SLC15A5: variants seen among roughly 807,000 people sequenced by gnomAD.
The protein encoded by SLC15A5 is Peptide/histidine transporter ENSP00000340402.
A neutral mutation model predicts 56.1 loss-of-function variants in SLC15A5; 58 were observed. That is an observed-to-expected ratio of 1.03 (90% CI 0.84 to 1.29). The LOEUF (loss-of-function observed/expected upper bound fraction) is 1.29. Among genes scored for constraint, SLC15A5 ranks in the 50% most tolerant of loss-of-function variants. The pLI is 0.00. For missense variants in SLC15A5, 681 were observed against 672.1 expected (o/e 1.01, Z -0.15); for synonymous variants, 264 against 250.5 (o/e 1.05, Z -0.51).
At chr12:16,247,186 A>G (rs1658562980) in intron 3 of SLC15A5, among the ~76,000 whole-genome samples, 1 of 152,162 alleles carries the variant, frequency 6.6e-6, no homozygotes, top group South Asian at 2.1e-4. Context: ...CTTCAGTTGA[A>G]TATGTACTTT....
intron 3 of SLC15A5, among the ~76,000 whole-genome samples, chr12:16,249,538 T>G (rs1299445132): frequency 1.3e-5 from 2 of 152,100 alleles, no homozygotes; most frequent in African/African-American, 4.8e-5. Context: ...TAATTGTTCC[T>G]GTAGCTAATA....
At chr12:16,189,862 A>G in intron 8 of SLC15A5, 47 bp from the exon 9 acceptor site, 1 of 1,339,380 alleles carries the variant, frequency 7.5e-7, no homozygotes, top group Non-Finnish European at 9.8e-7. Context: ...GATGTAGATG[A>G]ATTGATAAAT....
At chr12:16,263,991 A>T (rs61916971) in intron 2 of SLC15A5, among the ~76,000 whole-genome samples, 6 of 152,164 alleles carry the variant, frequency 3.9e-5, no homozygotes, top group Non-Finnish European at 8.8e-5. Context: ...ATGTGGGATC[A>T]GAGCACCCAC....
At chr12:16,219,030 T>G (rs1864160303) in intron 6 of SLC15A5, among the ~76,000 whole-genome samples, 1 of 152,156 alleles carries the variant, frequency 6.6e-6, no homozygotes, top group Non-Finnish European at 1.5e-5. Context: ...CCATAAAGAT[T>G]TAAAGGAATC....
chr12:16,239,598 C>T (rs1864390819), intron 5 of SLC15A5, 83 bp downstream of exon 5: 15 of 1,316,500 alleles, frequency 1.1e-5, no homozygotes, highest in Non-Finnish European at 1.5e-5. Context: ...TACTCAGGAG[C>T]ATATAGCTAG....
At chr12:16,224,347 T>C in intron 6 of SLC15A5, 67 bp downstream of exon 6, 1 of 1,414,870 alleles carries the variant, frequency 7.1e-7, no homozygotes, top group Non-Finnish European at 9.4e-7. Flanking sequence ...ATTGTTCTGG[T>C]TGAGGTGATG....
At chr12:16,203,372 C>G (rs1863981737) in intron 7 of SLC15A5, among the ~76,000 whole-genome samples, 1 of 152,008 alleles carries the variant, frequency 6.6e-6, no homozygotes, top group African/African-American at 2.4e-5. Context: ...GCAAAAGAAT[C>G]ATAATTGCCA....
intron 7 of SLC15A5, among the ~76,000 whole-genome samples, chr12:16,199,453 A>G (rs1863929255): frequency 6.6e-6 from 1 of 152,124 alleles, no homozygotes; most frequent in Non-Finnish European, 1.5e-5. Context: ...TAGAGAAAAT[A>G]GTAATAGCTT....
chr12:16,215,202 CAA>C (rs33944569), intron 7 of SLC15A5, among the ~76,000 whole-genome samples: 1 of 12,032 alleles, frequency 8.3e-5, no homozygotes, highest in East Asian at 2.5e-3. Flanking sequence ...GACTCTTTCT[CAA>C]AAAAAAAAAA....
At chr12:16,224,326 A>C in intron 6 of SLC15A5, 88 bp downstream of exon 6, 7 of 1,262,490 alleles carry the variant, frequency 5.5e-6, no homozygotes, top group Non-Finnish European at 7.5e-6. Context: ...AATAGATGAC[A>C]TACCACTTTA....
intron 8 of SLC15A5, among the ~76,000 whole-genome samples, chr12:16,192,304 G>A (rs888645719): frequency 6.6e-6 from 1 of 152,000 alleles, no homozygotes; most frequent in African/African-American, 2.4e-5. Context: ...CCCTAAGAAA[G>A]TATGCAGGAG....
intron 7 of SLC15A5, among the ~76,000 whole-genome samples, chr12:16,195,160 A>T (rs1025323507): frequency 1.3e-5 from 2 of 151,958 alleles, no homozygotes; most frequent in African/African-American, 4.8e-5. Flanking sequence ...TTTGCTTCTA[A>T]GTTTTGACTT....
chr12:16,255,007 CAAAG>C (rs1864555569), intron 3 of SLC15A5, among the ~76,000 whole-genome samples: 1 of 152,048 alleles, frequency 6.6e-6, no homozygotes, highest in African/African-American at 2.4e-5. Flanking sequence ...TTTCCCAACA[CAAAG>C]AAATGATGTT....
chr12:16,249,797 C>T (rs542611745), intron 3 of SLC15A5, among the ~76,000 whole-genome samples: 1 of 152,080 alleles, frequency 6.6e-6, no homozygotes, highest in South Asian at 2.1e-4. Context: ...TATATGTATA[C>T]ATATGTATGC....
At chr12:16,247,696 A>C (rs533495206) in intron 3 of SLC15A5, among the ~76,000 whole-genome samples, 1 of 152,194 alleles carries the variant, frequency 6.6e-6, no homozygotes, top group Admixed American at 6.6e-5. Context: ...AGAAAGCATA[A>C]AGGCCAATAG....
In SLC15A5 at chr12:16,272,629, G is replaced by C. The variant is rs369297132; in HGVS notation, c.516C>G (p.Ile172Met). The change falls in exon 2 of 9, where the codon ATC becomes ATG. Residue 172 changes from isoleucine (I) to methionine (M), a missense_variant. Ile to Met is a conservative substitution (Grantham distance 10, BLOSUM62 1). Coordinates refer to ENST00000344941, the MANE Select transcript of SLC15A5 (RefSeq NM_001170798.1). The stretch of plus-strand genomic sequence containing the variant: ...GGCCAAAAGCACCCAGTGGACAGAC[G>C]ATGGCTCTTACGCCTCCAATGCCAA... ...ICLGIGGVRA[I>M]VCPLGAFGLQ... 9.9e-5 allele frequency: 152 copies of C among 1,536,872 alleles called. No individual in the cohort carries two copies. Among genetic ancestry groups the C allele is most frequent in the Non-Finnish European group, 1.3e-4 (149 of 1,146,702 alleles).
intron 5 of SLC15A5, among the ~76,000 whole-genome samples, chr12:16,229,683 C>CACACAA (rs777371733): frequency 6.8e-6 from 1 of 147,278 alleles, no homozygotes. Flanking sequence ...CACACACACA[C>CACACAA]AATCTTAAAT....
rs1051352436 is a variant in SLC15A5 at position 16,194,529 on chromosome 12, C to T, written c.1484-76G>A. ...GTGAATATTTTATCATTCCACAATTCATAGAGCTTTGTTCGCTTCAGTAAT... is the reference window on the plus strand; with the variant it reads ...GTGAATATTTTATCATTCCACAATTTATAGAGCTTTGTTCGCTTCAGTAAT... On this transcript the variant is annotated intron_variant, in intron 7 of 8. Transcript: ENST00000344941. 1.9e-5 allele frequency: 20 copies of T among 1,032,694 alleles called. No homozygotes were observed. The East Asian group carries it at 4.9e-4, about 25-fold the overall frequency. 64.0% of individuals were successfully genotyped at this position (1,032,694 alleles called of 1,614,324 possible).
intron 5 of SLC15A5, among the ~76,000 whole-genome samples, chr12:16,231,567 A>C (rs1864300390): frequency 6.6e-6 from 1 of 152,236 alleles, no homozygotes; most frequent in Admixed American, 6.5e-5. Context: ...GGTAACACTC[A>C]GAAGGAAAAC....
Sources: gnomAD v4.1 joint callset for allele counts (sites outside exome capture counted in the v4.1 genomes callset) on GRCh38, gnomAD v4.1.1 for gene constraint, MANE v1.5 for transcripts, NCBI Gene and HGNC (gene_info 2026-07-23, HGNC 2026-07-21) for gene names.